Variants in LRRC37A observed in about 807,000 individuals in gnomAD.
The protein encoded by LRRC37A is leucine rich repeat containing 37A.
LRRC37A carries 3 observed loss-of-function variants against 35.4 expected under a neutral mutation model. The ratio of observed to expected loss-of-function variants is 0.08; its 90% CI spans 0.04 to 0.22. LRRC37A has a LOEUF of 0.22. LRRC37A is among the 10% of genes least tolerant of loss of function. LRRC37A has a pLI of 1.00. For missense variants in LRRC37A, 67 were observed against 565.3 expected (o/e 0.12, Z 8.94); for synonymous variants, 23 against 215.0 (o/e 0.11, Z 7.81).
chr17:46,263,289 C>A, the LRRC37A span, among the ~76,000 whole-genome samples: 1 of 151,936 alleles, frequency 6.6e-6, no homozygotes, highest in East Asian at 1.9e-4. Context: ...CAGTGGCTCA[C>A]GCCTGTAATC....
At chr17:46,253,811 TTA>T in the LRRC37A span, among the ~76,000 whole-genome samples, 1 of 152,036 alleles carries the variant, frequency 6.6e-6, no homozygotes, top group African/African-American at 2.4e-5. Flanking sequence ...GTGCATTTTC[TTA>T]TAAACCCAAT....
chr17:46,268,991 TTTTAA>T, the LRRC37A span, among the ~76,000 whole-genome samples: 2 of 152,274 alleles, frequency 1.3e-5, no homozygotes, highest in African/African-American at 2.4e-5. Flanking sequence ...TTTTTAAATA[TTTTAA>T]TTTAATACAT....
At chr17:46,265,283 T>C in the LRRC37A span, among the ~76,000 whole-genome samples, 29 of 99,542 alleles carry the variant, frequency 2.9e-4, no homozygotes, top group Non-Finnish European at 4.3e-4. Context: ...CTTCTTCTTC[T>C]TCTTCTTCTT....
At chr17:46,270,238 G>A in the LRRC37A span, among the ~76,000 whole-genome samples, 1 of 152,218 alleles carries the variant, frequency 6.6e-6, no homozygotes, top group Non-Finnish European at 1.5e-5. Flanking sequence ...ATGGCACCCA[G>A]TAGTAGCACT....
chr17:46,331,079 G>A lies in LRRC37A; in HGVS notation c.3802G>A (p.Val1268Met). ...CAGCCCTGCAAAAGCCCTACCACAG[G>A]TGAGAGACAGATCGAAAGACTTAAC... The change falls in exon 9 of 14, where the codon GTG becomes ATG. Residue 1268 changes from valine to methionine, a missense_variant. By Grantham distance (21) the Val-to-Met change is conservative. Coordinates refer to ENST00000320254, the Ensembl canonical transcript of LRRC37A. 7 of 716,650 alleles carry A rather than the reference G, an allele frequency of 9.8e-6. 2 individuals are homozygous for A. Among genetic ancestry groups the A allele is most frequent in the Non-Finnish European group, 8.4e-6 (4 of 473,974 alleles). 44.4% of individuals were successfully genotyped at this position (716,650 alleles called of 1,614,324 possible).
chr17:46,277,127 T>C, the LRRC37A span, among the ~76,000 whole-genome samples: 4 of 152,230 alleles, frequency 2.6e-5, no homozygotes, highest in Non-Finnish European at 5.9e-5. Flanking sequence ...TTAAGCAGAA[T>C]TGAGCAAACG....
chr17:46,267,163 C>CCGCCG, the LRRC37A span: 1 of 558,268 alleles, frequency 1.8e-6, no homozygotes, highest in Non-Finnish European at 3.1e-6. Flanking sequence ...GTGAGCCCGG[C>CCGCCG]CGCCGCGCCG....
At chr17:46,252,751 GAA>G in the LRRC37A span, among the ~76,000 whole-genome samples, 1 of 151,932 alleles carries the variant, frequency 6.6e-6, no homozygotes, top group South Asian at 2.1e-4. Context: ...AGAACAAAAT[GAA>G]AAGTCTCCCA....
At chr17:46,269,256 G>A in the LRRC37A span, among the ~76,000 whole-genome samples, 5 of 152,330 alleles carry the variant, frequency 3.3e-5, no homozygotes, top group South Asian at 2.1e-4. Context: ...GTACCAAGCC[G>A]GGCGCGGTGG....
At chr17:46,258,940 G>T in the LRRC37A span, among the ~76,000 whole-genome samples, 1 of 146,158 alleles carries the variant, frequency 6.8e-6, no homozygotes, top group Non-Finnish European at 1.5e-5. Flanking sequence ...GGATGGTCTC[G>T]ATCTCCTGAC....
the LRRC37A span, among the ~76,000 whole-genome samples, chr17:46,264,642 T>C: frequency 2.6e-5 from 4 of 152,234 alleles, no homozygotes; most frequent in East Asian, 7.7e-4. Context: ...ATCAGTCTCT[T>C]TGAACTCTTT....
At chr17:46,248,192 C>A in the LRRC37A span, among the ~76,000 whole-genome samples, 1 of 151,794 alleles carries the variant, frequency 6.6e-6, no homozygotes, top group Admixed American at 6.6e-5. Flanking sequence ...TTATTTTCAC[C>A]CTGTTGCGTT....
rs1199703458 is a variant in LRRC37A, at chr17:46,309,020, T to A, written c.2906+2711T>A. Among the ~76,000 whole-genome samples the A allele has an allele frequency of 2.6e-5, 2 of 76,216 alleles. 1 individual carries two copies. The highest frequency in any genetic ancestry group is 2.8e-4 in the Admixed American group (2 of 7,178). The allele number at this position is 76,216 out of a possible 152,430, so 50.0% of individuals were successfully genotyped here. ...GTTACAACCCAGTAAATCTCTTGAA[T>A]GAAGCCTCTATGTTATTGACAAATA... On this transcript the variant is annotated intron_variant, in intron 5 of 13. Coordinates refer to ENST00000320254, the Ensembl canonical transcript of LRRC37A.
chr17:46,268,482 A>G, the LRRC37A span: 13 of 1,340,654 alleles, frequency 9.7e-6, no homozygotes, highest in Non-Finnish European at 1.3e-5. Context: ...CTATGAATTA[A>G]TGTTCTGGTT....
the LRRC37A span, chr17:46,260,616 TTCTC>T: frequency 1.5e-6 from 2 of 1,356,740 alleles, no homozygotes; most frequent in Non-Finnish European, 2.0e-6. Context: ...TGGCTCTCTA[TTCTC>T]TTTTTTTTTT....
the LRRC37A span, among the ~76,000 whole-genome samples, chr17:46,265,032 G>A: frequency 6.6e-6 from 1 of 152,248 alleles, no homozygotes; most frequent in African/African-American, 2.4e-5. Flanking sequence ...ACTTACTAGT[G>A]TTTATATGAC....
At chr17:46,256,915 A>G in the LRRC37A span, among the ~76,000 whole-genome samples, 4 of 152,144 alleles carry the variant, frequency 2.6e-5, no homozygotes, top group Non-Finnish European at 4.4e-5. Flanking sequence ...ATCAACTTAG[A>G]CTTCATCGCC....
At chr17:46,261,658 C>T in the LRRC37A span, among the ~76,000 whole-genome samples, 11,222 of 144,366 alleles carry the variant, frequency 0.078, no homozygotes, top group Non-Finnish European at 0.12. Flanking sequence ...GGTGATCTGC[C>T]CGCCTCGGCC....
At chr17:46,323,532 G>A (rs540632980) in intron 7 of LRRC37A, among the ~76,000 whole-genome samples, 2 of 90,984 alleles carry the variant, frequency 2.2e-5, no homozygotes, top group Admixed American at 2.2e-4. Flanking sequence ...GAGTAGCTGG[G>A]ATTACAGGCG....
Sources: allele counts gnomAD v4.1 joint callset (sites outside exome capture counted in the v4.1 genomes callset), GRCh38; gene constraint gnomAD v4.1.1; transcripts MANE v1.5; gene names NCBI Gene and HGNC (gene_info 2026-07-23, HGNC 2026-07-21).